CNTLN: variants seen among roughly 807,000 people sequenced by gnomAD.
The protein encoded by CNTLN is centlein, centrosomal protein.
Under a neutral mutation model 180.0 loss-of-function variants are expected in CNTLN, and 212 were observed. The ratio of observed to expected loss-of-function variants is 1.18; its 90% CI spans 1.05 to 1.32. The LOEUF is 1.32. Ranked by LOEUF, CNTLN falls within the 40% of genes most tolerant of loss-of-function variation. The probability of loss-of-function intolerance (pLI) is 0.00; values close to 1 mark genes in which losing one functional copy is unlikely to be tolerated. For synonymous variants in CNTLN, 722 were observed against 563.1 expected, an observed-to-expected ratio of 1.28 and a Z score of -3.99; for missense variants, 2,095 against 1,610.9, an observed-to-expected ratio of 1.30 and a Z score of -5.14.
intron 7 of CNTLN, among the ~76,000 whole-genome samples, chr9:17,308,324 T>A (rs1433142733): frequency 6.6e-6 from 1 of 152,168 alleles, no homozygotes; most frequent in Non-Finnish European, 1.5e-5. Context: ...TTTTCACAGT[T>A]TAAGGTTTTC....
chr9:17,261,233 A>C (rs1411359354), intron 5 of CNTLN, among the ~76,000 whole-genome samples: 1 of 151,478 alleles, frequency 6.6e-6, no homozygotes, highest in African/African-American at 2.4e-5. Context: ...GTTTGGTAAG[A>C]ATAGCATCGA....
chr9:17,255,504 A>G (rs1369801694), intron 5 of CNTLN, among the ~76,000 whole-genome samples: 1 of 151,660 alleles, frequency 6.6e-6, no homozygotes, highest in Admixed American at 6.6e-5. Context: ...TGAATTTTGT[A>G]TGTTTCAATT....
At chr9:17,302,169 A>G in intron 7 of CNTLN, 1 of 935,098 alleles carries the variant, frequency 1.1e-6, no homozygotes, top group Non-Finnish European at 1.3e-6. Flanking sequence ...CCTTTTATGA[A>G]GCTATAACAT....
intron 18 of CNTLN, among the ~76,000 whole-genome samples, chr9:17,423,621 C>T (rs1213160412): frequency 1.3e-5 from 2 of 152,104 alleles, no homozygotes; most frequent in African/African-American, 4.8e-5. Flanking sequence ...CAGACTTGCC[C>T]AAGGACCGCA....
chr9:17,325,384 G>A (rs1354828061), intron 8 of CNTLN, among the ~76,000 whole-genome samples: 2 of 81,158 alleles, frequency 2.5e-5, no homozygotes, highest in Non-Finnish European at 5.8e-5. Flanking sequence ...ATGTATGTGT[G>A]TGTGTGTGTG....
chr9:17,184,339 AC>A (rs1821304201), intron 2 of CNTLN, among the ~76,000 whole-genome samples: 1 of 152,162 alleles, frequency 6.6e-6, no homozygotes, highest in South Asian at 2.1e-4. Context: ...TTTTTGTAGT[AC>A]TATTTCAACA....
rs190175741 is a variant in CNTLN, at chr9:17,502,649, A to G, written c.4218A>G (p.Arg1406=). 2 of 1,223,050 alleles carry G rather than the reference A, an allele frequency of 1.6e-6. No homozygotes were observed. Among genetic ancestry groups the G allele is most frequent in the East Asian group, 2.6e-5 (1 of 39,200 alleles). 75.8% of individuals were successfully genotyped at this position (1,223,050 alleles called of 1,614,324 possible). A position where few individuals can be genotyped will look rare whatever the true frequency, so the allele number is the denominator to read the frequency against. The change falls in exon 26 of 26, where the codon AGA becomes AGG. Residue 1406 remains arginine (R), a synonymous_variant. Transcript: ENST00000380647. ...EGYFTIMKDI[R] is the part of the protein sequence containing the mutation. ...ATTTCACAATTATGAAAGATATTAG[A>G]TGATATTAAAATGGAGAGCTTTATT...
At chr9:17,348,038 T>G (rs912277757) in intron 12 of CNTLN, among the ~76,000 whole-genome samples, 6 of 152,026 alleles carry the variant, frequency 3.9e-5, no homozygotes, top group African/African-American at 1.4e-4. Context: ...ACCATGTTGG[T>G]CAGTCTGGTA....
intron 25 of CNTLN, among the ~76,000 whole-genome samples, chr9:17,493,218 A>G (rs1194854190): frequency 6.6e-6 from 1 of 152,188 alleles, no homozygotes; most frequent in Non-Finnish European, 1.5e-5. Context: ...AAATGATTCA[A>G]ATGATAAAAT....
intron 2 of CNTLN, among the ~76,000 whole-genome samples, chr9:17,147,774 A>T (rs924378846): frequency 2.0e-5 from 3 of 152,140 alleles, no homozygotes; most frequent in Non-Finnish European, 2.9e-5. Flanking sequence ...GCATATTTGT[A>T]TTTAACCACT....
chr9:17,186,466 A>T (rs1309531962), intron 2 of CNTLN, among the ~76,000 whole-genome samples: 2 of 152,224 alleles, frequency 1.3e-5, no homozygotes, highest in African/African-American at 4.8e-5. Flanking sequence ...TAAGGTTATC[A>T]ATCTGTTGTT....
intron 2 of CNTLN, among the ~76,000 whole-genome samples, chr9:17,173,014 G>T (rs1201555756): frequency 6.6e-6 from 1 of 152,154 alleles, no homozygotes; most frequent in Non-Finnish European, 1.5e-5. Flanking sequence ...CAAATTTTTT[G>T]TGGAGAAAAG....
intron 15 of CNTLN, among the ~76,000 whole-genome samples, chr9:17,407,873 C>G (rs1377624795): frequency 6.6e-6 from 1 of 151,990 alleles, no homozygotes; most frequent in African/African-American, 2.4e-5. Flanking sequence ...CGCCTGTAAT[C>G]CCAGCACTTT....
At chr9:17,190,891 T>C (rs1392120466) in intron 2 of CNTLN, among the ~76,000 whole-genome samples, 1 of 152,184 alleles carries the variant, frequency 6.6e-6, no homozygotes, top group Non-Finnish European at 1.5e-5. Flanking sequence ...AATGTTGCAA[T>C]TAGTAACTAT....
chr9:17,206,080 C>A (rs1822900923), intron 2 of CNTLN, among the ~76,000 whole-genome samples: 1 of 152,146 alleles, frequency 6.6e-6, no homozygotes, highest in African/African-American at 2.4e-5. Context: ...GAGCCAACTG[C>A]CGTCAGTGCT....
chr9:17,282,784 C>G (rs1828744493), intron 6 of CNTLN, among the ~76,000 whole-genome samples: 1 of 152,088 alleles, frequency 6.6e-6, no homozygotes, highest in Non-Finnish European at 1.5e-5. Flanking sequence ...AGGAAGGGGT[C>G]CAGTTTCAGT....
intron 2 of CNTLN, among the ~76,000 whole-genome samples, chr9:17,150,886 C>G (rs1818820061): frequency 6.6e-6 from 1 of 152,008 alleles, no homozygotes; most frequent in Non-Finnish European, 1.5e-5. Flanking sequence ...AGTTGTATTC[C>G]TAGGTATTTT....
intron 18 of CNTLN, among the ~76,000 whole-genome samples, chr9:17,431,633 G>A (rs551084199): frequency 2.0e-5 from 3 of 152,022 alleles, no homozygotes; most frequent in Admixed American, 2.0e-4. Context: ...GCCCTGAAGT[G>A]TTTTTTCCCA....
intron 13 of CNTLN, among the ~76,000 whole-genome samples, chr9:17,376,099 C>T (rs1248952466): frequency 1.3e-5 from 2 of 152,158 alleles, no homozygotes; most frequent in African/African-American, 4.8e-5. Flanking sequence ...TTGAACCCCT[C>T]CATTTAACAC....
Sources: allele counts gnomAD v4.1 joint callset (sites outside exome capture counted in the v4.1 genomes callset), GRCh38; gene constraint gnomAD v4.1.1; transcripts MANE v1.5; gene names NCBI Gene and HGNC (gene_info 2026-07-23, HGNC 2026-07-21).